ARSK: variants seen among roughly 807,000 people sequenced by gnomAD.
ARSK encodes the protein arylsulfatase family member K, also known as arylsulfatase K.
Under a neutral mutation model 53.2 loss-of-function variants are expected in ARSK, and 37 were observed. The observed-to-expected ratio is 0.70, with a 90% CI of 0.54 to 0.92. The LOEUF (loss-of-function observed/expected upper bound fraction) is 0.92, where lower values mean the gene tolerates loss of function less well. Ranked by LOEUF, ARSK falls within the 40% of genes least tolerant of loss-of-function variation. The pLI, the probability that ARSK is intolerant of heterozygous loss-of-function variation, is 0.00. For synonymous variants in ARSK, 208 were observed against 223.2 expected (o/e 0.93, Z 0.61); for missense variants, 613 against 643.0 (o/e 0.95, Z 0.51).
At chr5:95,572,903 C>G (rs1472762354) in intron 3 of ARSK, among the ~76,000 whole-genome samples, 1 of 152,174 alleles carries the variant, frequency 6.6e-6, no homozygotes, top group Admixed American at 6.5e-5. Context: ...CACCTCTACC[C>G]CTTAGCTGCC....
chr5:95,573,462 G>C (rs887715248), intron 3 of ARSK, among the ~76,000 whole-genome samples: 1 of 152,066 alleles, frequency 6.6e-6, no homozygotes, highest in African/African-American at 2.4e-5. Context: ...TAATATTTTT[G>C]AGCCAGCTAC....
At chr5:95,584,710 C>T (rs972565128) in intron 4 of ARSK, among the ~76,000 whole-genome samples, 1 of 151,840 alleles carries the variant, frequency 6.6e-6, no homozygotes, top group African/African-American at 2.4e-5. Context: ...AAAAAAAAAT[C>T]CCATCAAAAA....
At chr5:95,599,910 A>G (rs1016804536) in intron 6 of ARSK, among the ~76,000 whole-genome samples, 2 of 152,156 alleles carry the variant, frequency 1.3e-5, no homozygotes, top group Non-Finnish European at 2.9e-5. Context: ...TCTATTTTTC[A>G]TTGGAAATAT....
chr5:95,560,464 A>G (rs1166272730), intron 1 of ARSK, among the ~76,000 whole-genome samples: 1 of 152,208 alleles, frequency 6.6e-6, no homozygotes, highest in Non-Finnish European at 1.5e-5. Flanking sequence ...ACACCAATCA[A>G]TGTAGTATGT....
intron 5 of ARSK, among the ~76,000 whole-genome samples, chr5:95,590,605 G>A (rs1452306590): frequency 6.6e-6 from 1 of 152,176 alleles, no homozygotes; most frequent in Non-Finnish European, 1.5e-5. Flanking sequence ...CCATAGAGCA[G>A]TGAATGTCAA....
At chr5:95,564,031 G>C (rs972123286) in intron 1 of ARSK, among the ~76,000 whole-genome samples, 1 of 143,930 alleles carries the variant, frequency 6.9e-6, no homozygotes, top group South Asian at 2.2e-4. Context: ...ATGCTGGAGT[G>C]CAGTGGCGCC....
chr5:95,597,179 A>C lies in ARSK; in HGVS notation c.1097-3668A>C, dbSNP rs1466928288. 4.6e-5 allele frequency among the ~76,000 whole-genome samples: 7 copies of C among 152,148 alleles called. No homozygotes were observed. The East Asian group carries it at 7.7e-4, about 17-fold the overall frequency. On this transcript the variant is annotated intron_variant, in intron 6 of 7. Coordinates refer to ENST00000380009, the MANE Select transcript of ARSK (RefSeq NM_198150.3). Reference sequence around the variant, plus strand: ...TAAAATTGTTTTGATTTTTATTTTTAAGCTTATTTTCATGTGAATTGTTTT... The same window carrying C: ...TAAAATTGTTTTGATTTTTATTTTTCAGCTTATTTTCATGTGAATTGTTTT...
chr5:95,601,173 A>C (rs1427682265), intron 7 of ARSK, 102 bp downstream of exon 7: 3 of 1,114,678 alleles, frequency 2.7e-6, no homozygotes, highest in Non-Finnish European at 3.9e-6. Context: ...ATAAATGAAT[A>C]TCTGCTGCTT....
At chr5:95,560,916 T>C (rs750398492) in intron 1 of ARSK, among the ~76,000 whole-genome samples, 2 of 151,608 alleles carry the variant, frequency 1.3e-5, no homozygotes, top group African/African-American at 2.4e-5. Context: ...GCCATTCTCC[T>C]GCCTCAGTCT....
chr5:95,583,665 T>G (rs1749059769), intron 4 of ARSK, among the ~76,000 whole-genome samples: 1 of 152,168 alleles, frequency 6.6e-6, no homozygotes. Flanking sequence ...TGCACTATAA[T>G]GAAAACACTA....
intron 6 of ARSK, among the ~76,000 whole-genome samples, chr5:95,599,665 TA>T (rs1158936554): frequency 6.6e-6 from 1 of 152,338 alleles, no homozygotes; most frequent in East Asian, 1.9e-4. Context: ...AAAAAGCCAC[TA>T]ATTTTGATTG....
chr5:95,564,159 G>A (rs188367161), intron 1 of ARSK, among the ~76,000 whole-genome samples: 66 of 151,814 alleles, frequency 4.3e-4, no homozygotes, highest in Middle Eastern at 3.4e-3. Context: ...TGTATTTTTA[G>A]TAGAGACAAG....
chr5:95,595,980 C>T (rs1394377043), intron 6 of ARSK, among the ~76,000 whole-genome samples: 1 of 152,174 alleles, frequency 6.6e-6, no homozygotes, highest in Non-Finnish European at 1.5e-5. Flanking sequence ...ATCTAATTTA[C>T]TGTCCAAATT....
chr5:95,567,350 T>C (rs1271708150), intron 2 of ARSK, among the ~76,000 whole-genome samples: 1 of 152,236 alleles, frequency 6.6e-6, no homozygotes, highest in East Asian at 1.9e-4. Flanking sequence ...AGAAAGCTTA[T>C]TCTAACTTTC....
intron 1 of ARSK, chr5:95,556,455 C>T (rs887775866): frequency 1.9e-6 from 1 of 536,682 alleles, no homozygotes; most frequent in Non-Finnish European, 3.3e-6. Flanking sequence ...TGCTTCAGAG[C>T]TGCTTTCCAA....
chr5:95,567,832 T>C, intron 2 of ARSK, 58 bp from the exon 3 acceptor site: 1 of 1,515,644 alleles, frequency 6.6e-7, no homozygotes, highest in Non-Finnish European at 8.9e-7. Flanking sequence ...GTAATTGTCC[T>C]AATAGTTAAA....
Position 95,585,082 on chromosome 5 carries a change from G to T in ARSK, c.700-1480G>T, listed in dbSNP as rs185814279. Reference sequence around the variant, plus strand: ...ATGGCCAACAAATATATGAGAAAAGGCTCAACATCACTAATGATCAGGGAA... The same window carrying T: ...ATGGCCAACAAATATATGAGAAAAGTCTCAACATCACTAATGATCAGGGAA... On this transcript the variant is annotated intron_variant, in intron 4 of 7. Transcript: ENST00000380009. Among the ~76,000 whole-genome samples, 579 of 152,136 alleles carry T rather than the reference G, an allele frequency of 3.8e-3. 4 individuals are homozygous for T. The highest frequency in any genetic ancestry group is 6.2e-3 in the South Asian group (30 of 4,812).
intron 7 of ARSK, 74 bp downstream of exon 7, chr5:95,601,145 T>C: frequency 7.9e-7 from 1 of 1,265,086 alleles, no homozygotes; most frequent in Non-Finnish European, 1.1e-6. Context: ...GCTCAAGATA[T>C]CCAATAATCC....
chr5:95,575,483 A>G (rs1238176180), intron 3 of ARSK, among the ~76,000 whole-genome samples: 1 of 152,210 alleles, frequency 6.6e-6, no homozygotes, highest in Middle Eastern at 3.2e-3. Context: ...CATTTTAACA[A>G]TATTGATTCT....
Sources: allele counts gnomAD v4.1 joint callset (sites outside exome capture counted in the v4.1 genomes callset), GRCh38; gene constraint gnomAD v4.1.1; transcripts MANE v1.5; gene names NCBI Gene and HGNC (gene_info 2026-07-23, HGNC 2026-07-21).